DCC: variants seen among roughly 807,000 people sequenced by gnomAD.
DCC encodes the protein DCC netrin 1 receptor, also known as netrin receptor DCC.
Under a neutral mutation model 172.5 loss-of-function variants are expected in DCC, and 58 were observed. The ratio of observed to expected loss-of-function variants is 0.34; its 90% confidence interval spans 0.27 to 0.42. The LOEUF is 0.42. DCC is among the 10% of genes least tolerant of loss of function. The pLI is 1.00. For missense variants in DCC, 1,740 were observed against 1,791.0 expected, an observed-to-expected ratio of 0.97 and a Z score of 0.51; for synonymous variants, 709 against 644.5, an observed-to-expected ratio of 1.10 and a Z score of -1.52.
At chr18:52,501,100 G>T (rs2030999364) in intron 1 of DCC, among the ~76,000 whole-genome samples, 1 of 152,144 alleles carries the variant, frequency 6.6e-6, no homozygotes, top group African/African-American at 2.4e-5. Context: ...ATCTCTTAGT[G>T]AGAGCATCTT....
At chr18:52,783,621 G>A (rs2037596787) in intron 2 of DCC, among the ~76,000 whole-genome samples, 1 of 151,782 alleles carries the variant, frequency 6.6e-6, no homozygotes, top group South Asian at 2.1e-4. Context: ...GACTTAACAA[G>A]AGTCCTCATG....
intron 1 of DCC, among the ~76,000 whole-genome samples, chr18:52,525,200 A>G (rs893019841): frequency 2.6e-5 from 4 of 152,086 alleles, no homozygotes; most frequent in Non-Finnish European, 5.9e-5. Flanking sequence ...TTGAAACCAA[A>G]GCTTTCTATG....
At chr18:53,353,731 T>C (rs1363928751) in intron 15 of DCC, among the ~76,000 whole-genome samples, 1 of 152,220 alleles carries the variant, frequency 6.6e-6, no homozygotes, top group Admixed American at 6.5e-5. Flanking sequence ...TTATTTCATA[T>C]ATTACCTTGT....
chr18:52,584,418 G>A (rs141440245), intron 1 of DCC, among the ~76,000 whole-genome samples: 2 of 152,316 alleles, frequency 1.3e-5, no homozygotes, highest in African/African-American at 2.4e-5. Flanking sequence ...AAGAGAGAGA[G>A]AGAGAGATGG....
intron 12 of DCC, among the ~76,000 whole-genome samples, chr18:53,265,012 A>G (rs967314200): frequency 1.3e-5 from 2 of 152,178 alleles, no homozygotes; most frequent in African/African-American, 4.8e-5. Flanking sequence ...TGTTCACATA[A>G]TGCCCAGTAT....
At chr18:53,451,484 T>C (rs1179780967) in intron 23 of DCC, among the ~76,000 whole-genome samples, 2 of 152,184 alleles carry the variant, frequency 1.3e-5, no homozygotes. Flanking sequence ...GCCTGATGTG[T>C]CTTTTTCAGC....
chr18:52,811,562 T>C (rs531714654), intron 2 of DCC, among the ~76,000 whole-genome samples: 1 of 152,148 alleles, frequency 6.6e-6, no homozygotes, highest in Non-Finnish European at 1.5e-5. Context: ...AGTAAAATTT[T>C]CATACATTAA....
At chr18:52,843,253 T>C (rs541614299) in intron 2 of DCC, among the ~76,000 whole-genome samples, 8 of 152,344 alleles carry the variant, frequency 5.3e-5, no homozygotes, top group African/African-American at 1.9e-4. Flanking sequence ...TGCTAATTAC[T>C]AAAGAATTCA....
rs1427832647 is a variant in DCC at position 53,448,044 on chromosome 18, TGA to T, written c.3230-2454_3230-2453del. On this transcript the variant is annotated intron_variant, in intron 22 of 28. Coordinates refer to ENST00000442544, the MANE Select transcript of DCC (RefSeq NM_005215.4). Reference sequence around the variant, plus strand: ...GAGCTATAATTTATTTAAATTTTGATGAGTTTTTTTTTTTTTTTTTTTTTTTA... The same window carrying T: ...GAGCTATAATTTATTTAAATTTTGATGTTTTTTTTTTTTTTTTTTTTTTTA... Among the ~76,000 whole-genome samples the T allele has an allele frequency of 7.6e-5, 11 of 143,956 alleles. No individual in the cohort carries two copies. The South Asian group carries it at 8.6e-4, about 11-fold the overall frequency. The allele number at this position is 143,956 out of a possible 152,430, so 94.4% of individuals were successfully genotyped here. A position where few individuals can be genotyped will look rare whatever the true frequency, so the allele number is the denominator to read the frequency against.
chr18:52,667,359 T>A (rs2144961227), intron 1 of DCC, among the ~76,000 whole-genome samples: 1 of 152,334 alleles, frequency 6.6e-6, no homozygotes, highest in South Asian at 2.1e-4. Context: ...TTATTATTGA[T>A]ATATGTCTTA....
intron 1 of DCC, among the ~76,000 whole-genome samples, chr18:52,712,757 C>T (rs2036314835): frequency 6.6e-6 from 1 of 152,172 alleles, no homozygotes; most frequent in Non-Finnish European, 1.5e-5. Flanking sequence ...ATTCATACAC[C>T]AATCGATATC....
intron 1 of DCC, among the ~76,000 whole-genome samples, chr18:52,631,619 G>C (rs778250259): frequency 7.2e-5 from 11 of 152,316 alleles, no homozygotes; most frequent in African/African-American, 2.6e-4. Context: ...AGCTTGGTGT[G>C]CTGGGCTTGT....
chr18:52,694,725 G>A (rs1396997413), intron 1 of DCC, among the ~76,000 whole-genome samples: 1 of 152,108 alleles, frequency 6.6e-6, no homozygotes, highest in East Asian at 1.9e-4. Context: ...GGACTGGACT[G>A]TGGCTCTCAG....
intron 1 of DCC, among the ~76,000 whole-genome samples, chr18:52,426,837 T>A (rs1476240014): frequency 6.6e-6 from 1 of 152,256 alleles, no homozygotes; most frequent in Middle Eastern, 3.4e-3. Flanking sequence ...TTAGTAACTA[T>A]CTGTGATTAT....
chr18:52,919,338 A>G (rs1032176784), intron 3 of DCC, among the ~76,000 whole-genome samples: 5 of 152,214 alleles, frequency 3.3e-5, no homozygotes, highest in African/African-American at 1.2e-4. Context: ...TTGATCATTA[A>G]TCTAGCACAA....
At chr18:52,649,480 A>T (rs1227081933) in intron 1 of DCC, among the ~76,000 whole-genome samples, 2 of 151,236 alleles carry the variant, frequency 1.3e-5, no homozygotes, top group Non-Finnish European at 2.9e-5. Flanking sequence ...GTTTTGTTAC[A>T]TGGCTATCTT....
At chr18:53,365,793 T>G (rs12956821) in intron 15 of DCC, among the ~76,000 whole-genome samples, 56,466 of 152,050 alleles carry the variant, frequency 0.37, 10,920 homozygotes, top group East Asian at 0.51. Flanking sequence ...AGAACAGTGG[T>G]TGATTGCTCA....
At chr18:53,017,939 G>A (rs573370468) in intron 5 of DCC, among the ~76,000 whole-genome samples, 2 of 152,138 alleles carry the variant, frequency 1.3e-5, no homozygotes, top group African/African-American at 4.8e-5. Context: ...TAATTCCTAA[G>A]TTTAGAACAT....
intron 1 of DCC, among the ~76,000 whole-genome samples, chr18:52,514,867 T>G (rs2031573028): frequency 6.6e-6 from 1 of 152,186 alleles, no homozygotes; most frequent in Non-Finnish European, 1.5e-5. Flanking sequence ...GTAAAAATGT[T>G]TGAACATGAA....
Sources: allele counts gnomAD v4.1 joint callset (sites outside exome capture counted in the v4.1 genomes callset), GRCh38; gene constraint gnomAD v4.1.1; transcripts MANE v1.5; gene names NCBI Gene and HGNC (gene_info 2026-07-23, HGNC 2026-07-21).